ZNF473: variants seen among roughly 807,000 people sequenced by gnomAD.
ZNF473 encodes zinc finger protein 100 homolog.
Under a neutral mutation model 11.1 loss-of-function variants are expected in ZNF473, and 4 were observed. That is an observed-to-expected ratio of 0.36 (90% CI 0.18 to 0.82). The LOEUF (loss-of-function observed/expected upper bound fraction) is 0.82. Among genes scored for constraint, ZNF473 ranks in the 40% least tolerant of loss-of-function variants. The pLI is 0.49. For synonymous variants in ZNF473, 404 were observed against 390.4 expected (o/e 1.03, Z -0.41); for missense variants, 854 against 1,084.0 (o/e 0.79, Z 2.98).
intron 2 of ZNF473, among the ~76,000 whole-genome samples, chr19:50,034,260 AC>A (rs1320208836): frequency 1.3e-5 from 2 of 151,706 alleles, no homozygotes; most frequent in African/African-American, 4.9e-5. Flanking sequence ...ACCACTTCTC[AC>A]CCCCTCCATT....
At position 50,048,549 on chromosome 19, in the gene ZNF473, C is replaced by G. The variant is rs1979271676; in HGVS notation, c.*1490C>G. 6.6e-6 allele frequency: 1 copy of G among 152,186 alleles called. No homozygotes were observed. Among genetic ancestry groups the G allele is most frequent in the Admixed American group, 6.5e-5 (1 of 15,276 alleles). The allele number at this position is 152,186 out of a possible 1,614,324, so 9.4% of individuals were successfully genotyped here. ...ACATTTAACTTCTCGCACATGGTTC[C>G]CGTCCTCTGGAGCTCTGTCTTGTCG... On this transcript the variant is annotated 3_prime_UTR_variant, in exon 5 of 5. Transcript: ENST00000270617.
At chr19:50,037,483 T>G (rs1978513768) in intron 2 of ZNF473, among the ~76,000 whole-genome samples, 1 of 152,030 alleles carries the variant, frequency 6.6e-6, no homozygotes, top group Admixed American at 6.6e-5. Context: ...GGCTTTCACG[T>G]TTTAATGTTG....
chr19:50,031,097 T>C lies in ZNF473; in HGVS notation c.9+6T>C. ...CCCAGTTGGCCATGGCTGAGGTGAG[T>C]TGAAGGTCGCTCTGTCCTAATCGGT... On this transcript the variant is annotated splice_donor_region_variant and intron_variant, in intron 2 of 4. Transcript: ENST00000270617. 2 of 1,566,536 alleles carry C rather than the reference T, an allele frequency of 1.3e-6. No individual in the cohort carries two copies. Among genetic ancestry groups the C allele is most frequent in the Non-Finnish European group, 1.7e-6 (2 of 1,154,908 alleles).
intron 2 of ZNF473, among the ~76,000 whole-genome samples, chr19:50,036,836 G>C (rs951610321): frequency 2.6e-5 from 4 of 152,160 alleles, no homozygotes; most frequent in Non-Finnish European, 5.9e-5. Flanking sequence ...GAGGCAGTCT[G>C]TTGGCCTTGG....
chr19:50,047,346 C>G lies in ZNF473; in HGVS notation c.*287C>G. The G allele has an allele frequency of 5.7e-6, 2 of 349,888 alleles. No homozygotes were observed. Among genetic ancestry groups the G allele is most frequent in the Non-Finnish European group, 5.3e-6 (1 of 187,068 alleles). The allele number at this position is 349,888 out of a possible 1,614,324, so 21.7% of individuals were successfully genotyped here. Reference sequence around the variant, plus strand: ...AGGTCAGAAAAATCTCTCAGGGCCTCGGTGTCCTTATCTGTAAAATGGGCA... The same window carrying G: ...AGGTCAGAAAAATCTCTCAGGGCCTGGGTGTCCTTATCTGTAAAATGGGCA... On this transcript the variant is annotated 3_prime_UTR_variant, in exon 5 of 5. Coordinates refer to ENST00000270617, the MANE Select transcript of ZNF473 (RefSeq NM_015428.4).
At position 50,047,159 on chromosome 19, in the gene ZNF473, T is replaced by TA. The variant is rs1356160277; in HGVS notation, c.*103dup. The TA allele has an allele frequency of 1.0e-5, 10 of 986,952 alleles. No homozygotes were observed. The East Asian group carries it at 2.3e-4, about 23-fold the overall frequency. The allele number at this position is 986,952 out of a possible 1,614,324, so 61.1% of individuals were successfully genotyped here. A position where few individuals can be genotyped will look rare whatever the true frequency, so the allele number is the denominator to read the frequency against. ...AAGTTTCTCTCCAAATAAATGCATC[T>TA]AAAGATTGATTAGAAAGTTTGTGCG... On this transcript the variant is annotated 3_prime_UTR_variant, in exon 5 of 5. Coordinates refer to ENST00000270617, the MANE Select transcript of ZNF473 (RefSeq NM_015428.4).
chr19:50,046,337 T>C lies in ZNF473; in HGVS notation c.1894T>C (p.Ser632Pro). ...GCAAGGGAAAGCCATCAGCAGTGCC[T>C]CCCTTATCAAACTTCAGTCCTTCCA... The part of the protein sequence containing the change: ...GEQGKAISSA[S>P]LIKLQSFHTK... Residue 632 changes from serine (S) to proline (P), a missense_variant, in exon 5 of 5, where the codon TCC becomes CCC. Transcript: ENST00000270617. The surrounding 1 kb of genome is among the most constrained non-coding windows in gnomAD (Gnocchi z 5.9). The C allele has an allele frequency of 6.2e-6, 10 of 1,614,148 alleles. No homozygotes were observed. The highest frequency in any genetic ancestry group is 8.5e-6 in the Non-Finnish European group (10 of 1,180,022).
Position 50,045,695 on chromosome 19 carries a change from C to T in ZNF473, c.1252C>T (p.Leu418=). 1 of 1,614,106 alleles carries T rather than the reference C, an allele frequency of 6.2e-7. No homozygotes were observed. The highest frequency in any genetic ancestry group is 1.3e-5 in the African/African-American group (1 of 75,026). ...GAAATCCTTCAGGCATAACTCTACC[C>T]TAAAGATCCATCAGAGGGTTCACAG... is the stretch of plus-strand genomic sequence containing the variant. ...RGKSFRHNST[L]KIHQRVHSGE... Residue 418 remains leucine (L), a synonymous_variant, in exon 5 of 5, where the codon CTA becomes TTA. Coordinates refer to ENST00000270617, the MANE Select transcript of ZNF473 (RefSeq NM_015428.4).
In ZNF473 at chr19:50,048,735, T is replaced by C. The variant is rs1023206268; in HGVS notation, c.*1676T>C. On this transcript the variant is annotated 3_prime_UTR_variant, in exon 5 of 5. Coordinates refer to ENST00000270617, the MANE Select transcript of ZNF473 (RefSeq NM_015428.4). Reference sequence around the variant, plus strand: ...CCAAGGTAGAAACGCCCTCCGTGTGTGCATATTTGTTGGTTCTCTGATTAA... The same window carrying C: ...CCAAGGTAGAAACGCCCTCCGTGTGCGCATATTTGTTGGTTCTCTGATTAA... 1 of 152,286 alleles carries C rather than the reference T, an allele frequency of 6.6e-6. No homozygotes were observed. Among genetic ancestry groups the C allele is most frequent in the Non-Finnish European group, 1.5e-5 (1 of 68,082 alleles). 9.4% of individuals were successfully genotyped at this position (152,286 alleles called of 1,614,324 possible).
At chr19:50,041,380 G>A in intron 3 of ZNF473, 1 of 166,220 alleles carries the variant, frequency 6.0e-6, no homozygotes, top group Non-Finnish European at 1.3e-5. Flanking sequence ...CAGGCAATGT[G>A]TGGCCCATGG....
chr19:50,037,288 A>G (rs10423173), intron 2 of ZNF473, among the ~76,000 whole-genome samples: 6,361 of 152,238 alleles, frequency 0.042, 404 homozygotes, highest in African/African-American at 0.14. Context: ...TGGGGTCACA[A>G]GAGACATGCA....
chr19:50,038,155 A>C (rs964639228), intron 2 of ZNF473, among the ~76,000 whole-genome samples: 1 of 147,258 alleles, frequency 6.8e-6, no homozygotes, highest in East Asian at 1.9e-4. Context: ...CTACAGGTGC[A>C]TATATAAATT....
chr19:50,027,537 T>G (rs567331418), intron 1 of ZNF473, among the ~76,000 whole-genome samples: 1 of 152,210 alleles, frequency 6.6e-6, no homozygotes, highest in South Asian at 2.1e-4. Context: ...CTCCCAGAGC[T>G]GAGAGTATAT....
At chr19:50,026,351 C>T (rs2077275259) in intron 1 of ZNF473, among the ~76,000 whole-genome samples, 1 of 152,020 alleles carries the variant, frequency 6.6e-6, no homozygotes, top group African/African-American at 2.4e-5. Flanking sequence ...GGGGGGATCA[C>T]TTACAGCCAG....
Position 50,046,345 on chromosome 19 carries a change from C to A in ZNF473, c.1902C>A (p.Ile634=), listed in dbSNP as rs182293004. The A allele has an allele frequency of 2.2e-5, 36 of 1,614,204 alleles. No homozygotes were observed. Among genetic ancestry groups the A allele is most frequent in the Non-Finnish European group, 8.5e-7 (1 of 1,180,036 alleles). ...AAGCCATCAGCAGTGCCTCCCTTAT[C>A]AAACTTCAGTCCTTCCACACAAAGG... The part of the protein sequence containing the change: ...QGKAISSASL[I]KLQSFHTKEH... Residue 634 remains isoleucine (I), a synonymous_variant, in exon 5 of 5, where the codon ATC becomes ATA. Transcript: ENST00000270617. This position sits in a 1 kb window ranked among gnomAD's most constrained non-coding sequence, Gnocchi z 5.9.
chr19:50,039,436 A>G lies in ZNF473; in HGVS notation c.136+149A>G, dbSNP rs1368596063. Reference sequence around the variant, plus strand: ...GCAGTTCTCAGCTGGCCGAGGAGACATTGGCAATGTGTGGAGACATTTTTG... The same window carrying G: ...GCAGTTCTCAGCTGGCCGAGGAGACGTTGGCAATGTGTGGAGACATTTTTG... On this transcript the variant is annotated intron_variant, in intron 3 of 4. Transcript: ENST00000270617. The surrounding 1 kb of genome is among the most constrained non-coding windows in gnomAD (Gnocchi z 4.8). 2.8e-6 allele frequency: 3 copies of G among 1,081,462 alleles called. No individual in the cohort carries two copies. The highest frequency in any genetic ancestry group is 1.6e-5 in the South Asian group (1 of 62,576). The allele number at this position is 1,081,462 out of a possible 1,614,324, so 67.0% of individuals were successfully genotyped here.
At position 50,046,028 on chromosome 19, in the gene ZNF473, A is replaced by G. The variant is rs1356457069; in HGVS notation, c.1585A>G (p.Thr529Ala). ...CGGAGAACGCTTCATTTGCGGCTCA[A>G]CCCTGAAGTGCCACGAGAGTGTTCA... ...ECGERFICGSTLKCHESVHAR... is the reference protein window; with the variant it reads ...ECGERFICGSALKCHESVHAR... Residue 529 changes from threonine (T) to alanine (A), a missense_variant, in exon 5 of 5, where the codon ACC (threonine) becomes GCC (alanine). Thr to Ala is a moderately conservative substitution (Grantham distance 58). Transcript: ENST00000270617. The surrounding 1 kb of genome is among the most constrained non-coding windows in gnomAD (Gnocchi z 5.9). 6.2e-7 allele frequency: 1 copy of G among 1,614,230 alleles called. No homozygotes were observed. Among genetic ancestry groups the G allele is most frequent in the Non-Finnish European group, 8.5e-7 (1 of 1,180,042 alleles).
intron 4 of ZNF473, chr19:50,043,448 A>ATATATAT (rs1555735329): frequency 6.5e-5 from 7 of 107,912 alleles, no homozygotes; most frequent in African/African-American, 2.8e-4. Flanking sequence ...AAAAAAAAAA[A>ATATATAT]ATATATATAT....
intron 2 of ZNF473, among the ~76,000 whole-genome samples, chr19:50,036,313 C>CTT (rs1978433087): frequency 8.4e-6 from 1 of 119,346 alleles, no homozygotes; most frequent in Admixed American, 8.3e-5. Context: ...AGAGGTGGGG[C>CTT]CTTTTTTTTT....
Sources: allele counts gnomAD v4.1 joint callset (sites outside exome capture counted in the v4.1 genomes callset), GRCh38; gene constraint gnomAD v4.1.1; non-coding constraint Gnocchi (gnomAD v3.1); transcripts MANE v1.5; gene names NCBI Gene and HGNC (gene_info 2026-07-23, HGNC 2026-07-21).